POLR2F: variants seen among roughly 807,000 people sequenced by gnomAD.
POLR2F encodes RNA polymerase II, I and III subunit F.
A neutral mutation model predicts 22.7 loss-of-function variants in POLR2F; 12 were observed. The ratio of observed to expected loss-of-function variants is 0.53; its 90% CI spans 0.34 to 0.86. POLR2F has a LOEUF of 0.86. POLR2F is among the 40% of genes least tolerant of loss of function. The probability of loss-of-function intolerance (pLI) is 0.02; values close to 1 mark genes in which losing one functional copy is unlikely to be tolerated. For missense variants in POLR2F, 126 were observed against 171.5 expected (o/e 0.73, Z 1.48); for synonymous variants, 57 against 66.0 (o/e 0.86, Z 0.66).
rs1171785622 is a variant in POLR2F at position 37,997,012 on chromosome 22, T to C, written c.120+10700T>C. Reference sequence around the variant, plus strand: ...GTGTCCTACTCGGGAAGGCAAGGGCTGCAGTGGCTGGCTGCATCCTCTGGG... The same window carrying C: ...GTGTCCTACTCGGGAAGGCAAGGGCCGCAGTGGCTGGCTGCATCCTCTGGG... On this transcript the variant is annotated intron_variant, in intron 1 of 2. Coordinates refer to the POLR2F transcript ENST00000333418. The surrounding 1 kb of genome is among the most constrained non-coding windows in gnomAD (Gnocchi z 4.4). Among the ~76,000 whole-genome samples, 5 of 152,228 alleles carry C rather than the reference T, an allele frequency of 3.3e-5. No homozygotes were observed. The highest frequency in any genetic ancestry group is 9.6e-5 in the African/African-American group (4 of 41,532).
chr22:37,972,297 G>A, downstream of POLR2F: 1 of 1,269,922 alleles, frequency 7.9e-7, no homozygotes, highest in Non-Finnish European at 1.0e-6. Context: ...GGCCAGGTCA[G>A]GCTCACCAAG....
chr22:37,998,245 C>T (rs1318676569), intron 1 of POLR2F, among the ~76,000 whole-genome samples: 1 of 152,226 alleles, frequency 6.6e-6, no homozygotes, highest in East Asian at 1.9e-4. Context: ...TCAAAAGAGG[C>T]CATGGCCGCC....
In POLR2F at chr22:37,959,476, C is replaced by T. The variant is rs35083758; in HGVS notation, c.221C>T (p.Ala74Val). ...RVLGTRALQI[A>V]MCAPVMVELE... ...CTGGGCACCCGAGCGCTCCAGATTG[C>T]GTGAGTGATTGCCCCTTCACTGTCT... The change falls in exon 3 of 5, where the codon GCG becomes GTG. Residue 74 changes from alanine (A) to valine (V), a missense_variant and splice_region_variant. Physicochemically the swap from Ala to Val is moderately conservative, Grantham distance 64. Coordinates refer to ENST00000442738, the MANE Select transcript of POLR2F (RefSeq NM_021974.5). The T allele has an allele frequency of 6.8e-6, 11 of 1,613,292 alleles. No individual in the cohort carries two copies. The highest frequency in any genetic ancestry group is 5.3e-5 in the African/African-American group (4 of 74,916).
rs1280837182 is a variant in POLR2F, at chr22:37,997,253, G to T, written c.120+10941G>T. 6.6e-6 allele frequency among the ~76,000 whole-genome samples: 1 copy of T among 151,960 alleles called. No individual in the cohort carries two copies. Among genetic ancestry groups the T allele is most frequent in the Non-Finnish European group, 1.5e-5 (1 of 67,974 alleles). ...CCTTTCTCCCTTCTTTTCCACTTCG[G>T]CCTCCACCTTGTTTCTTTCTCTGTC... is the stretch of plus-strand genomic sequence containing the variant. On this transcript the variant is annotated intron_variant, in intron 1 of 2. Transcript: ENST00000333418. The surrounding 1 kb of genome is among the most constrained non-coding windows in gnomAD (Gnocchi z 4.4).
chr22:38,004,105 C>T (rs1317637221), intron 1 of POLR2F, among the ~76,000 whole-genome samples: 2 of 152,178 alleles, frequency 1.3e-5, no homozygotes, highest in Non-Finnish European at 2.9e-5. Flanking sequence ...CCTCCTGCCT[C>T]AGTCTCCAGA....
intron 1 of POLR2F, among the ~76,000 whole-genome samples, chr22:38,012,195 C>T (rs1254140362): frequency 1.3e-5 from 2 of 151,346 alleles, no homozygotes; most frequent in Non-Finnish European, 2.9e-5. Context: ...GATTCTTGTG[C>T]CTCAGCCTCC....
chr22:38,014,003 T>A (rs1698747246), intron 1 of POLR2F, among the ~76,000 whole-genome samples: 1 of 151,284 alleles, frequency 6.6e-6, no homozygotes, highest in African/African-American at 2.4e-5. Flanking sequence ...ATGCCTGTAA[T>A]CCCAGCTACT....
chr22:38,039,170 G>C (rs1261030757), intron 5 of POLR2F, among the ~76,000 whole-genome samples: 2 of 152,232 alleles, frequency 1.3e-5, no homozygotes, highest in Non-Finnish European at 2.9e-5. Flanking sequence ...CCTCCAGAAA[G>C]AGCCGTCTCT....
At position 37,978,117 on chromosome 22, in the gene POLR2F, G is replaced by A; in HGVS notation, c.293+10947G>A. On this transcript the variant is annotated intron_variant, in intron 4 of 4. Transcript: ENST00000405557. This position sits in a 1 kb window ranked among gnomAD's most constrained non-coding sequence, Gnocchi z 5.0. ...CAGCCTCCTCGATGAAGGGGCGCTT[G>A]TCACTTTCGTTCAGCAGCCTGGGGT... is the stretch of plus-strand genomic sequence containing the variant. 1.9e-6 allele frequency: 3 copies of A among 1,577,310 alleles called. No individual in the cohort carries two copies. The highest frequency in any genetic ancestry group is 2.6e-6 in the Non-Finnish European group (3 of 1,161,090).
In POLR2F at chr22:37,980,445, G is replaced by A. The variant is rs923175160; in HGVS notation, c.293+13275G>A. Among the ~76,000 whole-genome samples, 6 of 152,134 alleles carry A rather than the reference G, an allele frequency of 3.9e-5. No individual in the cohort carries two copies. Among genetic ancestry groups the A allele is most frequent in the African/African-American group, 7.2e-5 (3 of 41,432 alleles). On this transcript the variant is annotated intron_variant, in intron 4 of 4. Coordinates refer to the POLR2F transcript ENST00000405557. The surrounding 1 kb of genome is among the most constrained non-coding windows in gnomAD (Gnocchi z 4.1). ...AGAGAGGATTCCAACATCGGATTCC[G>A]CTGCTACCTCCTAAGCTAGTTCCCA...
downstream of POLR2F, chr22:37,973,914 T>C (rs922690509): frequency 1.2e-6 from 2 of 1,610,228 alleles, no homozygotes; most frequent in African/African-American, 1.3e-5. Flanking sequence ...GAGTGTCCAC[T>C]GGCCACGGCC....
chr22:37,956,648 C>CTGGGCGGA (rs1931412208), intron 1 of POLR2F, 125 bp from the exon 2 acceptor site: 1 of 748,710 alleles, frequency 1.3e-6, no homozygotes, highest in South Asian at 1.7e-5. Context: ...AATTCCTGGC[C>CTGGGCGGA]TCAAGTGATC....
At chr22:38,013,104 CCTTCCCTTCCTTCCCTT>C (rs2084886104) in intron 1 of POLR2F, among the ~76,000 whole-genome samples, 1 of 150,900 alleles carries the variant, frequency 6.6e-6, no homozygotes, top group African/African-American at 2.4e-5. Context: ...TCCTTCCCTT[CCTTCCCTTCCTTCCCTT>C]CCTTCCCTTC....
upstream of POLR2F, among the ~76,000 whole-genome samples, chr22:37,981,910 G>C (rs903353433): frequency 6.6e-6 from 1 of 152,178 alleles, no homozygotes; most frequent in South Asian, 2.1e-4. Context: ...AGGGGCACCA[G>C]GTCTTCAGCA....
chr22:38,040,810 T>C, intron 5 of POLR2F: 1 of 537,230 alleles, frequency 1.9e-6, no homozygotes, highest in East Asian at 3.1e-5. Context: ...GAAGGGAGCA[T>C]GGCAGTTTGG....
At chr22:37,990,109 C>G (rs1601893017) in intron 1 of POLR2F, among the ~76,000 whole-genome samples, 1 of 152,210 alleles carries the variant, frequency 6.6e-6, no homozygotes, top group Non-Finnish European at 1.5e-5. Flanking sequence ...CTCACCTTCC[C>G]TGAGCCGAGT....
At chr22:38,024,582 C>G (rs2084990119) in intron 1 of POLR2F, among the ~76,000 whole-genome samples, 1 of 151,998 alleles carries the variant, frequency 6.6e-6, no homozygotes, top group African/African-American at 2.4e-5. Context: ...TGCAGGAGGG[C>G]AGGGGCAGGG....
intron 1 of POLR2F, among the ~76,000 whole-genome samples, chr22:38,000,737 A>G (rs1378766447): frequency 1.3e-5 from 2 of 152,280 alleles, no homozygotes; most frequent in African/African-American, 2.4e-5. Flanking sequence ...ACATTCTCCA[A>G]CATGCTCAAA....
chr22:37,979,644 T>G (rs1932334423), intron 4 of POLR2F, among the ~76,000 whole-genome samples: 1 of 152,086 alleles, frequency 6.6e-6, no homozygotes, highest in East Asian at 1.9e-4. Flanking sequence ...GAACAGTCCC[T>G]GAAACCAACA....
Sources: gnomAD v4.1 joint callset for allele counts (sites outside exome capture counted in the v4.1 genomes callset) on GRCh38, gnomAD v4.1.1 for gene constraint, Gnocchi (gnomAD v3.1) non-coding constraint, MANE v1.5 for transcripts, NCBI Gene and HGNC (gene_info 2026-07-23, HGNC 2026-07-21) for gene names.